CTPS1: variants seen among roughly 807,000 people sequenced by gnomAD.
The protein encoded by CTPS1 is CTP synthetase 1.
CTPS1 carries 25 observed loss-of-function variants against 80.5 expected under a neutral mutation model. That is an observed-to-expected ratio of 0.31 (90% CI 0.23 to 0.43). The LOEUF is 0.43. CTPS1 is among the 20% of genes least tolerant of loss of function. The probability of loss-of-function intolerance (pLI) is 1.00; values close to 1 mark genes in which losing one functional copy is unlikely to be tolerated. For synonymous variants in CTPS1, 267 were observed against 252.5 expected (o/e 1.06, Z -0.54); for missense variants, 442 against 725.7 (o/e 0.61, Z 4.49).
At chr1:41,006,977 C>T (rs371180406) in intron 13 of CTPS1, among the ~76,000 whole-genome samples, 1 of 152,136 alleles carries the variant, frequency 6.6e-6, no homozygotes, top group Non-Finnish European at 1.5e-5. Flanking sequence ...TGCCTGGGAA[C>T]GCTGGGCTGA....
At chr1:40,986,305 G>A (rs536792713) in intron 3 of CTPS1, among the ~76,000 whole-genome samples, 5 of 152,372 alleles carry the variant, frequency 3.3e-5, no homozygotes, top group Non-Finnish European at 5.9e-5. Flanking sequence ...TGAGAAGTGC[G>A]GAGGCGCAGG....
Position 41,010,157 on chromosome 1 carries a change from A to G in CTPS1, c.1692-4A>G, listed in dbSNP as rs2148422007. On this transcript the variant is annotated splice_polypyrimidine_tract_variant and splice_region_variant and intron_variant, in intron 17 of 18. Coordinates refer to ENST00000650070, the MANE Select transcript of CTPS1 (RefSeq NM_001905.4). Reference sequence around the variant, plus strand: ...ATGATGCGTAAACCATCTGAATTCTACAGGGACACCTATAGTGACAGGAGT... The same window carrying G: ...ATGATGCGTAAACCATCTGAATTCTGCAGGGACACCTATAGTGACAGGAGT... 1 of 1,610,892 alleles carries G rather than the reference A, an allele frequency of 6.2e-7. No individual in the cohort carries two copies. Among genetic ancestry groups the G allele is most frequent in the East Asian group, 2.2e-5 (1 of 44,872 alleles).
At chr1:40,993,774 C>CTTTTTTT (rs71278720) in intron 7 of CTPS1, among the ~76,000 whole-genome samples, 157 of 85,764 alleles carry the variant, frequency 1.8e-3, no homozygotes, top group Non-Finnish European at 2.7e-3. Context: ...TTTCTTCTCT[C>CTTTTTTT]TTTTTTTTTT....
At chr1:41,003,037 C>A in intron 11 of CTPS1, 77 bp from the exon 12 acceptor site, 1 of 1,412,170 alleles carries the variant, frequency 7.1e-7, no homozygotes, top group Non-Finnish European at 1.0e-6. Flanking sequence ...ACACAAAGGC[C>A]ATTGCAGAGG....
At chr1:41,000,977 C>T in intron 9 of CTPS1, 52 bp from the exon 10 acceptor site, 1 of 1,245,068 alleles carries the variant, frequency 8.0e-7, no homozygotes, top group Non-Finnish European at 1.1e-6. Context: ...ATTAAGAACG[C>T]ACAGCCTGGG....
At position 40,996,116 on chromosome 1, in the gene CTPS1, T is replaced by C. The variant is rs774523550; in HGVS notation, c.872+48T>C. The C allele has an allele frequency of 4.3e-6, 7 of 1,610,242 alleles. No homozygotes were observed. The East Asian group carries it at 1.6e-4, about 36-fold the overall frequency. On this transcript the variant is annotated intron_variant, in intron 8 of 18. Coordinates refer to ENST00000650070, the MANE Select transcript of CTPS1 (RefSeq NM_001905.4). Reference sequence around the variant, plus strand: ...GGAGTGCTAGCCTCCTTTACTCTTTTGTAGGGCTGGTGAAGCCGACTCTAG... The same window carrying C: ...GGAGTGCTAGCCTCCTTTACTCTTTCGTAGGGCTGGTGAAGCCGACTCTAG...
At position 41,007,607 on chromosome 1, in the gene CTPS1, G is replaced by C; in HGVS notation, c.1393+62G>C. The C allele has an allele frequency of 7.0e-7, 1 of 1,434,068 alleles. No homozygotes were observed. Among genetic ancestry groups the C allele is most frequent in the South Asian group, 1.2e-5 (1 of 86,626 alleles). The allele number at this position is 1,434,068 out of a possible 1,614,324, so 88.8% of individuals were successfully genotyped here. On this transcript the variant is annotated intron_variant, in intron 14 of 18. Transcript: ENST00000650070. This position sits in a 1 kb window ranked among gnomAD's most constrained non-coding sequence, Gnocchi z 4.4. ...TGCGTGCCCAGGACGCGTGTCTTAG[G>C]GTGATGCTGTGGCTTCGAGGAGCAG... is the stretch of plus-strand genomic sequence containing the variant.
intron 1 of CTPS1, among the ~76,000 whole-genome samples, chr1:40,981,669 C>G (rs569085848): frequency 6.6e-5 from 10 of 152,160 alleles, no homozygotes; most frequent in Non-Finnish European, 8.8e-5. Flanking sequence ...AGGATTCTTG[C>G]GTTAAATGAC....
chr1:41,003,100 C>T lies in CTPS1; in HGVS notation c.1190-14C>T, dbSNP rs1474270694. 2 of 1,613,888 alleles carry T rather than the reference C, an allele frequency of 1.2e-6. No individual in the cohort carries two copies. Among genetic ancestry groups the T allele is most frequent in the South Asian group, 1.1e-5 (1 of 91,050 alleles). ...TCAATGGAGTTTTGTTTGTTTTTTC[C>T]CCCCGACTGGAAGGCGTGTGCTTAG... On this transcript the variant is annotated splice_polypyrimidine_tract_variant and intron_variant, in intron 11 of 18. Transcript: ENST00000650070.
intron 3 of CTPS1, 64 bp downstream of exon 3, chr1:40,985,055 C>G: frequency 1.7e-6 from 2 of 1,181,154 alleles, no homozygotes; most frequent in Non-Finnish European, 2.3e-6. Context: ...CTCCCTCCCA[C>G]CTCTACACAG....
chr1:40,983,188 G>A (rs1423221780), intron 1 of CTPS1, 90 bp from the exon 2 acceptor site: 2 of 1,086,844 alleles, frequency 1.8e-6, no homozygotes, highest in Admixed American at 4.9e-5. Context: ...AGGGTTCATA[G>A]CTAATAATTG....
chr1:41,010,108 C>A, intron 17 of CTPS1, 53 bp from the exon 18 acceptor site: 1 of 1,322,898 alleles, frequency 7.6e-7, no homozygotes, highest in African/African-American at 1.5e-5. Context: ...AAAACAGGGA[C>A]GTAAAGTGAG....
At chr1:41,008,952 A>T in intron 16 of CTPS1, 62 bp downstream of exon 16, 1 of 1,285,900 alleles carries the variant, frequency 7.8e-7, no homozygotes, top group South Asian at 1.2e-5. Flanking sequence ...GCATATGGGA[A>T]AATATAAAAA....
At chr1:41,004,796 G>GT (rs1431022970) in intron 12 of CTPS1, among the ~76,000 whole-genome samples, 1 of 152,134 alleles carries the variant, frequency 6.6e-6, no homozygotes, top group African/African-American at 2.4e-5. Flanking sequence ...AATAGTACTT[G>GT]TTTATCTCAG....
Position 40,997,527 on chromosome 1 carries a change from G to T in CTPS1, c.1005+1G>T. The T allele has an allele frequency of 6.2e-7, 1 of 1,613,750 alleles. No homozygotes were observed. The highest frequency in any genetic ancestry group is 8.5e-7 in the Non-Finnish European group (1 of 1,179,796). On this transcript the variant is annotated splice_donor_variant, in intron 9 of 18. Coordinates refer to ENST00000650070, the MANE Select transcript of CTPS1 (RefSeq NM_001905.4). LOFTEE classifies it high-confidence loss of function. Reference sequence around the variant, plus strand: ...CATCAACCACAAATTGGAAATCAAGGTAAGGAGGGTGGCACAGGTACAGCC... The same window carrying T: ...CATCAACCACAAATTGGAAATCAAGTTAAGGAGGGTGGCACAGGTACAGCC...
At chr1:41,000,618 T>G (rs969992413) in intron 9 of CTPS1, among the ~76,000 whole-genome samples, 1 of 152,088 alleles carries the variant, frequency 6.6e-6, no homozygotes, top group African/African-American at 2.4e-5. Context: ...ATGCTTGTAT[T>G]TTATTGTATG....
intron 6 of CTPS1, among the ~76,000 whole-genome samples, 173 bp from the exon 7 acceptor site, chr1:40,991,592 G>A (rs1046876559): frequency 6.6e-6 from 1 of 152,146 alleles, no homozygotes; most frequent in African/African-American, 2.4e-5. Context: ...GGCGTTTACG[G>A]ATTTTAGCTT....
intron 14 of CTPS1, among the ~76,000 whole-genome samples, chr1:41,008,396 T>G (rs1643087890): frequency 6.6e-6 from 1 of 152,218 alleles, no homozygotes; most frequent in Admixed American, 6.5e-5. Context: ...GTGCCCATAC[T>G]TTGCAATCAT....
intron 12 of CTPS1, 135 bp from the exon 13 acceptor site, chr1:41,005,916 G>T: frequency 1.4e-6 from 1 of 709,950 alleles, no homozygotes. Context: ...TGAGGTCAGG[G>T]GGATGCTATC....
Sources: gnomAD v4.1 joint callset for allele counts (sites outside exome capture counted in the v4.1 genomes callset) on GRCh38, gnomAD v4.1.1 for gene constraint, Gnocchi (gnomAD v3.1) non-coding constraint, MANE v1.5 for transcripts, NCBI Gene and HGNC (gene_info 2026-07-23, HGNC 2026-07-21) for gene names.